The following HECW2 variants were observed in gnomAD, a reference collection of about 807,000 sequenced individuals.
HECW2 encodes the protein HECT, C2 and WW domain containing E3 ubiquitin protein ligase 2.
A neutral mutation model predicts 175.2 loss-of-function variants in HECW2; 61 were observed. The observed-to-expected ratio is 0.35, with a 90% CI of 0.28 to 0.43. HECW2 has a LOEUF of 0.43. Among genes scored for constraint, HECW2 ranks in the 20% least tolerant of loss-of-function variants. HECW2 has a pLI of 1.00. For synonymous variants in HECW2, 671 were observed against 731.0 expected, an observed-to-expected ratio of 0.92 and a Z score of 1.32; for missense variants, 1,524 against 2,000.5, an observed-to-expected ratio of 0.76 and a Z score of 4.54.
intron 1 of HECW2, among the ~76,000 whole-genome samples, chr2:196,562,801 T>C (rs1690050601): frequency 6.6e-6 from 1 of 152,142 alleles, no homozygotes. Context: ...CCCAGCACTT[T>C]GGTAGGCTGA....
intron 1 of HECW2, among the ~76,000 whole-genome samples, chr2:196,577,336 C>G (rs867654362): frequency 6.6e-6 from 1 of 151,962 alleles, no homozygotes; most frequent in South Asian, 2.1e-4. Flanking sequence ...TTTATTTTTA[C>G]TTTTGCAAAT....
At chr2:196,342,363 C>G (rs78619726) in intron 3 of HECW2, among the ~76,000 whole-genome samples, 1 of 148,778 alleles carries the variant, frequency 6.7e-6, no homozygotes, top group Non-Finnish European at 1.5e-5. Flanking sequence ...GAGATTGCGC[C>G]ATTGTACTCC....
intron 2 of HECW2, among the ~76,000 whole-genome samples, chr2:196,426,312 G>A (rs1231289167): frequency 6.6e-6 from 1 of 152,098 alleles, no homozygotes; most frequent in East Asian, 1.9e-4. Context: ...ACTATCTCTA[G>A]TTATGCCTGT....
intron 10 of HECW2, chr2:196,316,291 A>G (rs963194607): frequency 2.6e-5 from 4 of 152,244 alleles, no homozygotes. Flanking sequence ...TCATAGTACC[A>G]TTCAGCTCTT....
At chr2:196,420,292 A>T (rs1483345175) in intron 2 of HECW2, among the ~76,000 whole-genome samples, 2 of 152,216 alleles carry the variant, frequency 1.3e-5, no homozygotes, top group Non-Finnish European at 2.9e-5. Flanking sequence ...GCAAGTCTGT[A>T]TTTATTCAAC....
chr2:196,476,070 C>G (rs1474925354), intron 1 of HECW2, among the ~76,000 whole-genome samples: 1 of 152,158 alleles, frequency 6.6e-6, no homozygotes, highest in African/African-American at 2.4e-5. Context: ...TAGAGTCAAA[C>G]AGCCTGGGTT....
chr2:196,240,661 C>G, intron 20 of HECW2, 99 bp from the exon 21 acceptor site: 1 of 1,154,452 alleles, frequency 8.7e-7, no homozygotes, highest in Non-Finnish European at 1.2e-6. Context: ...CCACAATTAA[C>G]TAGGTAAGAA....
chr2:196,541,708 T>A (rs372874043), intron 1 of HECW2, among the ~76,000 whole-genome samples: 8 of 151,052 alleles, frequency 5.3e-5, no homozygotes, highest in African/African-American at 2.0e-4. Context: ...CATTTAAAGA[T>A]CCCTATAAGA....
chr2:196,411,611 TGG>T (rs2125228132), intron 2 of HECW2, among the ~76,000 whole-genome samples: 1 of 152,260 alleles, frequency 6.6e-6, no homozygotes, highest in East Asian at 1.9e-4. Context: ...ACTGGGGCAG[TGG>T]GAAGCATTGT....
At chr2:196,364,425 AT>A (rs1235585686) in intron 2 of HECW2, among the ~76,000 whole-genome samples, 2 of 152,174 alleles carry the variant, frequency 1.3e-5, no homozygotes, top group African/African-American at 4.8e-5. Context: ...TGGGATGGTA[AT>A]TTTTTAAGCA....
intron 1 of HECW2, among the ~76,000 whole-genome samples, chr2:196,449,499 G>C (rs1293372434): frequency 1.3e-5 from 2 of 152,098 alleles, no homozygotes; most frequent in Non-Finnish European, 2.9e-5. Flanking sequence ...TTCTTTCTAT[G>C]GATGCTGAAA....
chr2:196,323,951 C>T (rs1259148736), intron 6 of HECW2, among the ~76,000 whole-genome samples: 3 of 106,234 alleles, frequency 2.8e-5, no homozygotes, highest in Admixed American at 1.3e-4. Flanking sequence ...ATGATGAGAT[C>T]ATTAGTAGTT....
chr2:196,554,106 A>C (rs1377683648), intron 1 of HECW2, among the ~76,000 whole-genome samples: 1 of 152,132 alleles, frequency 6.6e-6, no homozygotes, highest in Admixed American at 6.5e-5. Context: ...TGGGAGGCCG[A>C]GGCGGGCGGA....
chr2:196,196,646 A>C lies in HECW2; in HGVS notation c.*4631T>G, dbSNP rs947756332. On this transcript the variant is annotated 3_prime_UTR_variant, in exon 29 of 29. Transcript: ENST00000644978. ...ACCCTGTGTCTACAAAAAATATAAA[A>C]AAATTAGCTGGGCATGGTGGTGCAT... 2.0e-5 allele frequency: 3 copies of C among 152,278 alleles called. No homozygotes were observed. Among genetic ancestry groups the C allele is most frequent in the Admixed American group, 6.6e-5 (1 of 15,266 alleles). The allele number at this position is 152,278 out of a possible 1,614,324, so 9.4% of individuals were successfully genotyped here.
intron 2 of HECW2, among the ~76,000 whole-genome samples, chr2:196,407,609 C>T (rs1387783720): frequency 6.6e-6 from 1 of 152,186 alleles, no homozygotes; most frequent in Non-Finnish European, 1.5e-5. Context: ...ATGATCTATA[C>T]CAGGTCACAC....
intron 4 of HECW2, among the ~76,000 whole-genome samples, chr2:196,333,002 G>A (rs191809886): frequency 5.9e-5 from 9 of 151,892 alleles, no homozygotes; most frequent in Admixed American, 5.9e-4. Context: ...TGAGGATTTT[G>A]CACACACTAT....
At chr2:196,480,541 T>C (rs900091615) in intron 1 of HECW2, among the ~76,000 whole-genome samples, 1 of 152,174 alleles carries the variant, frequency 6.6e-6, no homozygotes, top group Non-Finnish European at 1.5e-5. Context: ...GTGGACATTG[T>C]ACAAGTCAAC....
In HECW2 at chr2:196,194,445, C is replaced by G. The variant is rs1465938246; in HGVS notation, c.*6832G>C. ...CATGGTTTTAAACAAAAATAGAGAT[C>G]AGTATGAAAATAAAACAAATTGTAC... On this transcript the variant is annotated 3_prime_UTR_variant, in exon 29 of 29. Transcript: ENST00000644978. 1.3e-5 allele frequency: 2 copies of G among 151,750 alleles called. No individual in the cohort carries two copies. The highest frequency in any genetic ancestry group is 3.9e-4 in the East Asian group (2 of 5,190). The allele number at this position is 151,750 out of a possible 1,614,324, so 9.4% of individuals were successfully genotyped here.
At chr2:196,534,136 G>C (rs886520046) in intron 1 of HECW2, among the ~76,000 whole-genome samples, 5 of 152,160 alleles carry the variant, frequency 3.3e-5, no homozygotes, top group African/African-American at 1.2e-4. Context: ...CAGACAATTT[G>C]AAAGTAGTAT....
Sources: allele counts gnomAD v4.1 joint callset (sites outside exome capture counted in the v4.1 genomes callset), GRCh38; gene constraint gnomAD v4.1.1; transcripts MANE v1.5; gene names NCBI Gene and HGNC (gene_info 2026-07-23, HGNC 2026-07-21).